KCNA2: variants seen among roughly 807,000 people sequenced by gnomAD.
KCNA2 encodes potassium voltage-gated channel subfamily A member 2, also known as potassium channel, voltage gated shaker related subfamily A, member 2.
A neutral mutation model predicts 33.4 loss-of-function variants in KCNA2; 11 were observed. The ratio of observed to expected loss-of-function variants is 0.33; its 90% CI spans 0.21 to 0.55. KCNA2 has a LOEUF of 0.55. Ranked by LOEUF, KCNA2 falls within the 20% of genes least tolerant of loss-of-function variation. KCNA2 has a pLI of 0.93. For missense variants in KCNA2, 291 were observed against 621.6 expected (o/e 0.47, Z 5.66); for synonymous variants, 222 against 231.3 (o/e 0.96, Z 0.37).
chr1:110,600,992 T>C lies in KCNA2; in HGVS notation c.*2291A>G. The C allele has an allele frequency of 2.0e-6, 2 of 985,546 alleles. No individual in the cohort carries two copies. Among genetic ancestry groups the C allele is most frequent in the Non-Finnish European group, 2.4e-6 (2 of 830,014 alleles). The allele number at this position is 985,546 out of a possible 1,614,324, so 61.1% of individuals were successfully genotyped here. A position where few individuals can be genotyped will look rare whatever the true frequency, so the allele number is the denominator to read the frequency against. ...AATTCACTGTTTGGGAAAATTAAGCTACTCCGTCAAAAGGCAAAGACGCCC... is the reference window on the plus strand; with the variant it reads ...AATTCACTGTTTGGGAAAATTAAGCCACTCCGTCAAAAGGCAAAGACGCCC... On this transcript the variant is annotated 3_prime_UTR_variant, in exon 3 of 3. Transcript: ENST00000316361.
intron 1 of KCNA2, among the ~76,000 whole-genome samples, chr1:110,624,709 T>C (rs1264649546): frequency 6.6e-6 from 1 of 152,206 alleles, no homozygotes; most frequent in African/African-American, 2.4e-5. Flanking sequence ...AAAATGGTTA[T>C]GTTGAGATTG....
At position 110,599,729 on chromosome 1, in the gene KCNA2, T is replaced by A; in HGVS notation, c.*3554A>T. The A allele has an allele frequency of 1.0e-6, 1 of 985,400 alleles. No individual in the cohort carries two copies. The highest frequency in any genetic ancestry group is 1.2e-6 in the Non-Finnish European group (1 of 829,938). The allele number at this position is 985,400 out of a possible 1,614,324, so 61.0% of individuals were successfully genotyped here. On this transcript the variant is annotated 3_prime_UTR_variant, in exon 3 of 3. Coordinates refer to ENST00000316361, the MANE Select transcript of KCNA2 (RefSeq NM_004974.4). ...TGGTCCTGGGCTCAAGATCCTGCAG[T>A]TTCTTGAGCCATTACTGCTTTTAAG...
At position 110,617,884 on chromosome 1, in the gene KCNA2, T is replaced by C. The variant is rs569981387; in HGVS notation, c.-495-12162A>G. On this transcript the variant is annotated intron_variant, in intron 1 of 4. Transcript: ENST00000369770. ...ATGGGGGTTTGTGGGGCTGCTCTGA[T>C]GGGCCTGTTCCTTGTCAACAGGGCA... Among the ~76,000 whole-genome samples the C allele has an allele frequency of 4.0e-3, 612 of 152,252 alleles. 1 individual carries two copies. The highest frequency in any genetic ancestry group is 6.9e-3 in the Non-Finnish European group (472 of 68,014).
intron 1 of KCNA2, among the ~76,000 whole-genome samples, chr1:110,622,816 A>T (rs1413065559): frequency 6.6e-6 from 1 of 152,226 alleles, no homozygotes; most frequent in African/African-American, 2.4e-5. Flanking sequence ...CTGAAACATT[A>T]ATGGTAGAAA....
chr1:110,602,202 G>T lies in KCNA2; in HGVS notation c.*1081C>A. ...AGAAGAACAGGGATAGGTAGGCTGG[G>T]GGGCCAGAAGTTTTAGTTCCATTCC... On this transcript the variant is annotated 3_prime_UTR_variant, in exon 3 of 3. Coordinates refer to ENST00000316361, the MANE Select transcript of KCNA2 (RefSeq NM_004974.4). 6.5e-7 allele frequency: 1 copy of T among 1,549,106 alleles called. No individual in the cohort carries two copies. The highest frequency in any genetic ancestry group is 8.7e-7 in the Non-Finnish European group (1 of 1,146,522).
At position 110,603,960 on chromosome 1, in the gene KCNA2, C is replaced by A; in HGVS notation, c.823G>T (p.Ala275Ser). 1 of 1,614,162 alleles carries A rather than the reference C, an allele frequency of 6.2e-7. No homozygotes were observed. Among genetic ancestry groups the A allele is most frequent in the Non-Finnish European group, 8.5e-7 (1 of 1,180,042 alleles). Residue 275 changes from alanine (A) to serine (S), a missense_variant, in exon 3 of 3, where the codon GCT becomes TCT. Physicochemically the swap from Ala to Ser is moderately conservative, Grantham distance 99. Coordinates refer to ENST00000316361, the MANE Select transcript of KCNA2 (RefSeq NM_004974.4). The surrounding 1 kb of genome is among the most constrained non-coding windows in gnomAD (Gnocchi z 5.7). ...PYFITLGTEL[A>S]EKPEDAQQGQ... Reference sequence around the variant, plus strand: ...TGCTGAGCGTCCTCTGGCTTCTCAGCCAACTCTGTCCCCAGGGTGATGAAG... The same window carrying A: ...TGCTGAGCGTCCTCTGGCTTCTCAGACAACTCTGTCCCCAGGGTGATGAAG...
In KCNA2 at chr1:110,600,493, C is replaced by A. The variant is rs1649293023; in HGVS notation, c.*2790G>T. The A allele has an allele frequency of 1.0e-5, 10 of 984,580 alleles. No homozygotes were observed. Among genetic ancestry groups the A allele is most frequent in the Non-Finnish European group, 1.2e-5 (10 of 829,670 alleles). The allele number at this position is 984,580 out of a possible 1,614,324, so 61.0% of individuals were successfully genotyped here. A position where few individuals can be genotyped will look rare whatever the true frequency, so the allele number is the denominator to read the frequency against. On this transcript the variant is annotated 3_prime_UTR_variant, in exon 3 of 3. Transcript: ENST00000316361. ...TGTGCATTTTATATACAATTATAAC[C>A]ATATATCTTCTGTGTTTGCTTTTAT...
In KCNA2 at chr1:110,599,636, C is replaced by T. The variant is rs1475606204; in HGVS notation, c.*3647G>A. The T allele has an allele frequency of 1.0e-6, 1 of 985,314 alleles. No individual in the cohort carries two copies. Among genetic ancestry groups the T allele is most frequent in the Non-Finnish European group, 1.2e-6 (1 of 829,958 alleles). 61.0% of individuals were successfully genotyped at this position (985,314 alleles called of 1,614,324 possible). A position where few individuals can be genotyped will look rare whatever the true frequency, so the allele number is the denominator to read the frequency against. On this transcript the variant is annotated 3_prime_UTR_variant, in exon 3 of 3. Transcript: ENST00000316361. ...CTCAACTTCCTGACCGTGCCCCCAA[C>T]AAAGCTGCAAAGGATGGAAGGGCAA... is the stretch of plus-strand genomic sequence containing the variant.
intron 1 of KCNA2, among the ~76,000 whole-genome samples, chr1:110,630,254 C>T (rs1435399782): frequency 6.6e-6 from 1 of 152,100 alleles, no homozygotes; most frequent in Non-Finnish European, 1.5e-5. Flanking sequence ...CTCCTGACCT[C>T]AGGTGATCCG....
At chr1:110,617,303 C>G (rs1042396241) in intron 1 of KCNA2, among the ~76,000 whole-genome samples, 3 of 152,220 alleles carry the variant, frequency 2.0e-5, no homozygotes, top group Admixed American at 6.5e-5. Context: ...GAAGCAGCCT[C>G]ACCTGTGCCA....
rs1391548841 is a variant in KCNA2 at position 110,597,784 on chromosome 1, G to A, written c.*5499C>T. ...GAAAGAGCTATTGCTAAAGAAAACA[G>A]TCACTATTTATTTTATTGCACTTTT... On this transcript the variant is annotated 3_prime_UTR_variant, in exon 3 of 3. Coordinates refer to ENST00000316361, the MANE Select transcript of KCNA2 (RefSeq NM_004974.4). 1 of 985,078 alleles carries A rather than the reference G, an allele frequency of 1.0e-6. No homozygotes were observed. The highest frequency in any genetic ancestry group is 6.1e-5 in the Admixed American group (1 of 16,264). The allele number at this position is 985,078 out of a possible 1,614,324, so 61.0% of individuals were successfully genotyped here.
At chr1:110,608,798 GGGCACCA>G (rs1649766460), upstream of KCNA2, among the ~76,000 whole-genome samples, 1 of 152,190 alleles carries the variant, frequency 6.6e-6, no homozygotes, top group African/African-American at 2.4e-5. Context: ...TCACTTCTCT[GGGCACCA>G]GTGCCCTCCT....
rs1057357946 is a variant in KCNA2, at chr1:110,597,679, A to C, written c.*5604T>G. ...AGAAGAAGAAACTACAGAGACTGTG[A>C]ATGAGCCCCCAGAAGTCAAGGGCAT... On this transcript the variant is annotated 3_prime_UTR_variant, in exon 3 of 3. Transcript: ENST00000316361. The C allele has an allele frequency of 5.7e-5, 56 of 985,352 alleles. No homozygotes were observed. Among genetic ancestry groups the C allele is most frequent in the Non-Finnish European group, 6.0e-5 (50 of 829,956 alleles). 61.0% of individuals were successfully genotyped at this position (985,352 alleles called of 1,614,324 possible).
chr1:110,594,753 GACTC>G lies in KCNA2; in HGVS notation c.*8526_*8529del, dbSNP rs1649024265. The stretch of plus-strand genomic sequence containing the variant: ...GCATGTTCAAACCCTCAGGAGCTGA[GACTC>G]ACCCCCGCCAAAGCCAGCCAGGCCT... On this transcript the variant is annotated 3_prime_UTR_variant, in exon 3 of 3. Coordinates refer to ENST00000316361, the MANE Select transcript of KCNA2 (RefSeq NM_004974.4). The G allele has an allele frequency of 1.0e-6, 1 of 985,338 alleles. No individual in the cohort carries two copies. The highest frequency in any genetic ancestry group is 4.7e-5 in the South Asian group (1 of 21,278). 61.0% of individuals were successfully genotyped at this position (985,338 alleles called of 1,614,324 possible).
chr1:110,600,117 T>C lies in KCNA2; in HGVS notation c.*3166A>G. 2.0e-6 allele frequency: 2 copies of C among 984,818 alleles called. No homozygotes were observed. Among genetic ancestry groups the C allele is most frequent in the Non-Finnish European group, 2.4e-6 (2 of 829,828 alleles). 61.0% of individuals were successfully genotyped at this position (984,818 alleles called of 1,614,324 possible). On this transcript the variant is annotated 3_prime_UTR_variant, in exon 3 of 3. Coordinates refer to ENST00000316361, the MANE Select transcript of KCNA2 (RefSeq NM_004974.4). ...GATATAGACACAGGCCAGGCAAAGGTGATTACATCTGATCTTTTGTTTGTG... is the reference window on the plus strand; with the variant it reads ...GATATAGACACAGGCCAGGCAAAGGCGATTACATCTGATCTTTTGTTTGTG...
rs1225592794 is a variant in KCNA2 at position 110,596,593 on chromosome 1, G to A, written c.*6690C>T. The A allele has an allele frequency of 6.8e-6, 2 of 292,634 alleles. No homozygotes were observed. The highest frequency in any genetic ancestry group is 3.5e-4 in the East Asian group (2 of 5,796). 18.1% of individuals were successfully genotyped at this position (292,634 alleles called of 1,614,324 possible). A position where few individuals can be genotyped will look rare whatever the true frequency, so the allele number is the denominator to read the frequency against. ...ACCTATGTCCACTACTGTACAATAA[G>A]CATTGAGGTTTACAATGTTGACCCT... On this transcript the variant is annotated 3_prime_UTR_variant, in exon 3 of 3. Coordinates refer to ENST00000316361, the MANE Select transcript of KCNA2 (RefSeq NM_004974.4).
At chr1:110,627,134 C>A (rs887945910) in intron 1 of KCNA2, among the ~76,000 whole-genome samples, 4 of 152,198 alleles carry the variant, frequency 2.6e-5, no homozygotes, top group African/African-American at 4.8e-5. Context: ...GCACCACGAC[C>A]AAAACCTTCG....
At position 110,604,281 on chromosome 1, in the gene KCNA2, C is replaced by A; in HGVS notation, c.502G>T (p.Val168Leu). The A allele has an allele frequency of 6.2e-7, 1 of 1,614,166 alleles. No homozygotes were observed. Among genetic ancestry groups the A allele is most frequent in the Non-Finnish European group, 8.5e-7 (1 of 1,180,040 alleles). The change falls in exon 3 of 3, where the codon GTG becomes TTG. Residue 168 changes from valine (V) to leucine (L), a missense_variant. By Grantham distance (32) the Val-to-Leu change is conservative (BLOSUM62 1). Around this residue, in one of 5 missense-constraint regions of KCNA2, gnomAD observed 163 missense variants for 273.5 expected, o/e 0.60. Coordinates refer to ENST00000316361, the MANE Select transcript of KCNA2 (RefSeq NM_004974.4). This position sits in a 1 kb window ranked among gnomAD's most constrained non-coding sequence, Gnocchi z 7.6. ...SSGPARIIAIVSVMVILISIV... is the reference protein window; with the variant it reads ...SSGPARIIAILSVMVILISIV... The stretch of plus-strand genomic sequence containing the variant: ...GAGATCAGAATCACCATGACAGACA[C>A]AATAGCTATAATCCTGGCAGGCCCT...
Position 110,602,340 on chromosome 1 carries a change from T to C in KCNA2, c.*943A>G. ...TAATACTCTAAATATTAACACTGTG[T>C]AGGCTACTAGGAAAATAGGTTATCT... On this transcript the variant is annotated 3_prime_UTR_variant, in exon 3 of 3. Coordinates refer to ENST00000316361, the MANE Select transcript of KCNA2 (RefSeq NM_004974.4). The C allele has an allele frequency of 7.0e-7, 1 of 1,423,214 alleles. No homozygotes were observed. Among genetic ancestry groups the C allele is most frequent in the Non-Finnish European group, 9.1e-7 (1 of 1,093,964 alleles). The allele number at this position is 1,423,214 out of a possible 1,614,324, so 88.2% of individuals were successfully genotyped here.
Sources: gnomAD v4.1 joint callset for allele counts (sites outside exome capture counted in the v4.1 genomes callset) on GRCh38, gnomAD v4.1.1 for gene constraint, gnomAD v4.1.1 regional missense constraint, Gnocchi (gnomAD v3.1) non-coding constraint, MANE v1.5 for transcripts, NCBI Gene and HGNC (gene_info 2026-07-23, HGNC 2026-07-21) for gene names.